SHTN1: variants seen among roughly 807,000 people sequenced by gnomAD.
The protein encoded by SHTN1 is shootin 1.
A neutral mutation model predicts 83.1 loss-of-function variants in SHTN1; 42 were observed. That is an observed-to-expected ratio of 0.51 (90% CI 0.39 to 0.65). The LOEUF is 0.65. Ranked by LOEUF, SHTN1 falls within the 30% of genes least tolerant of loss-of-function variation. The pLI is 0.00. For synonymous variants in SHTN1, 224 were observed against 247.7 expected (o/e 0.90, Z 0.90); for missense variants, 622 against 737.8 (o/e 0.84, Z 1.82).
chr10:116,901,188 T>C lies in SHTN1; in HGVS notation c.1673+577A>G, dbSNP rs11197847. The C allele has an allele frequency of 6.3e-3, 6,193 of 985,404 alleles. 16 individuals are homozygous for C. Among genetic ancestry groups the C allele is most frequent in the Non-Finnish European group, 7.1e-3 (5,931 of 829,904 alleles). The allele number at this position is 985,404 out of a possible 1,614,324, so 61.0% of individuals were successfully genotyped here. A position where few individuals can be genotyped will look rare whatever the true frequency, so the allele number is the denominator to read the frequency against. On this transcript the variant is annotated intron_variant, in intron 16 of 16. Transcript: ENST00000355371. ...AGAGCTGCCATTGTTATAAAACAAA[T>C]TGATCCTCCACTAGATCTGTCTGAA...
intron 2 of SHTN1, among the ~76,000 whole-genome samples, chr10:117,011,867 G>A (rs570586061): frequency 6.5e-4 from 99 of 152,204 alleles, no homozygotes; most frequent in Non-Finnish European, 1.2e-3. Context: ...CAGGCGGGGC[G>A]CGGTGGCTCA....
At chr10:117,017,217 C>A (rs749958422) in intron 2 of SHTN1, among the ~76,000 whole-genome samples, 1 of 152,092 alleles carries the variant, frequency 6.6e-6, no homozygotes, top group Non-Finnish European at 1.5e-5. Context: ...CAAGGCCGGG[C>A]GCGGTGGCTC....
intron 1 of SHTN1, among the ~76,000 whole-genome samples, chr10:117,109,711 T>C (rs1853735312): frequency 6.6e-6 from 1 of 151,408 alleles, no homozygotes; most frequent in African/African-American, 2.4e-5. Context: ...ACTATAGGAG[T>C]GCGCCATCAT....
intron 1 of SHTN1, among the ~76,000 whole-genome samples, chr10:117,061,135 C>CTTTTTTTTTTTTTTTTT (rs5788206): frequency 7.9e-6 from 1 of 127,266 alleles, no homozygotes. Flanking sequence ...AAGCTTTAGT[C>CTTTTTTTTTTTTTTTTT]TTTTTTTTTT....
chr10:116,967,384 A>C (rs1315599241), intron 3 of SHTN1, among the ~76,000 whole-genome samples: 1 of 152,226 alleles, frequency 6.6e-6, no homozygotes, highest in Non-Finnish European at 1.5e-5. Flanking sequence ...ACTCTTAAAA[A>C]TGTTTAAGTT....
intron 2 of SHTN1, among the ~76,000 whole-genome samples, chr10:117,047,049 G>A (rs1355157295): frequency 1.3e-5 from 2 of 152,046 alleles, no homozygotes; most frequent in African/African-American, 4.8e-5. Flanking sequence ...TTTATGATAT[G>A]TAAATTATTT....
chr10:117,004,945 C>T, intron 1 of SHTN1, 77 bp downstream of exon 1: 1 of 1,385,930 alleles, frequency 7.2e-7, no homozygotes, highest in Non-Finnish European at 9.9e-7. Flanking sequence ...CTTCCAACTG[C>T]CCTGGCCCCA....
intron 1 of SHTN1, among the ~76,000 whole-genome samples, chr10:117,086,108 C>T (rs913602269): frequency 6.6e-5 from 10 of 151,908 alleles, no homozygotes; most frequent in African/African-American, 9.7e-5. Context: ...TTAGTAGAGA[C>T]GGGGTTTCAC....
intron 3 of SHTN1, among the ~76,000 whole-genome samples, chr10:116,965,026 A>C (rs572338283): frequency 6.6e-6 from 1 of 152,312 alleles, no homozygotes; most frequent in East Asian, 1.9e-4. Flanking sequence ...CTTTCACAGG[A>C]ATCCGGTCTA....
chr10:116,984,955 G>T (rs1321474562), intron 1 of SHTN1, among the ~76,000 whole-genome samples: 1 of 151,402 alleles, frequency 6.6e-6, no homozygotes, highest in East Asian at 2.0e-4. Flanking sequence ...GCCTGCAAAG[G>T]CTTTCCCTAC....
At chr10:116,928,312 C>T (rs764029798) in intron 10 of SHTN1, among the ~76,000 whole-genome samples, 93 of 152,166 alleles carry the variant, frequency 6.1e-4, no homozygotes, top group Non-Finnish European at 6.0e-4. Context: ...TAGCTGCATA[C>T]TTCTCTCCCC....
intron 3 of SHTN1, among the ~76,000 whole-genome samples, chr10:116,962,337 C>G (rs1452365553): frequency 6.6e-6 from 1 of 151,932 alleles, no homozygotes; most frequent in Non-Finnish European, 1.5e-5. Flanking sequence ...CCTTAAAATC[C>G]TAATATTCCT....
chr10:116,958,561 G>T (rs958609807), intron 4 of SHTN1, among the ~76,000 whole-genome samples: 2 of 152,158 alleles, frequency 1.3e-5, no homozygotes, highest in African/African-American at 4.8e-5. Context: ...ACATGCACAT[G>T]CCTGGGCCAC....
intron 2 of SHTN1, among the ~76,000 whole-genome samples, chr10:117,043,121 ATATTTATTTATT>A (rs71013634): frequency 2.0e-5 from 3 of 147,844 alleles, no homozygotes; most frequent in South Asian, 4.3e-4. Flanking sequence ...GTGGATCTTT[ATATTTATTTATT>A]TATTTATTTA....
At chr10:116,933,670 T>C (rs1849052191) in intron 9 of SHTN1, among the ~76,000 whole-genome samples, 1 of 152,244 alleles carries the variant, frequency 6.6e-6, no homozygotes, top group South Asian at 2.1e-4. Context: ...TATAATCCTT[T>C]GGGTATATAC....
At chr10:117,051,829 G>A (rs1852745006) in intron 1 of SHTN1, among the ~76,000 whole-genome samples, 1 of 151,288 alleles carries the variant, frequency 6.6e-6, no homozygotes, top group African/African-American at 2.4e-5. Flanking sequence ...GTGAAATATT[G>A]AAAGATTTCC....
At chr10:116,972,154 G>A (rs1850639838) in intron 2 of SHTN1, among the ~76,000 whole-genome samples, 2 of 152,160 alleles carry the variant, frequency 1.3e-5, no homozygotes, top group South Asian at 4.1e-4. Context: ...CCAACATGCA[G>A]GTAGCCCATT....
intron 2 of SHTN1, among the ~76,000 whole-genome samples, chr10:116,973,450 C>G (rs1333415403): frequency 1.3e-5 from 2 of 152,124 alleles, no homozygotes; most frequent in African/African-American, 4.8e-5. Flanking sequence ...GACTTTTAAG[C>G]AAGTATCTAC....
intron 9 of SHTN1, among the ~76,000 whole-genome samples, chr10:116,930,847 C>G (rs1157653024): frequency 6.6e-6 from 1 of 152,186 alleles, no homozygotes; most frequent in Non-Finnish European, 1.5e-5. Flanking sequence ...TTCCCACCAG[C>G]AGTGTTTAAG....
Sources: gnomAD v4.1 joint callset for allele counts (sites outside exome capture counted in the v4.1 genomes callset) on GRCh38, gnomAD v4.1.1 for gene constraint, MANE v1.5 for transcripts, NCBI Gene and HGNC (gene_info 2026-07-23, HGNC 2026-07-21) for gene names.